Variants in GPAT4 observed in about 807,000 individuals in gnomAD.
The protein encoded by GPAT4 is glycerol-3-phosphate acyltransferase 4.
A neutral mutation model predicts 58.0 loss-of-function variants in GPAT4; 17 were observed. The ratio of observed to expected loss-of-function variants is 0.29; its 90% CI spans 0.20 to 0.44. GPAT4 has a LOEUF of 0.44. GPAT4 is among the 20% of genes least tolerant of loss of function. The pLI is 1.00. For missense variants in GPAT4, 377 were observed against 574.5 expected (o/e 0.66, Z 3.51); for synonymous variants, 204 against 210.1 (o/e 0.97, Z 0.25).
Position 41,612,176 on chromosome 8 carries a change from C to A in GPAT4, c.702-4C>A. On this transcript the variant is annotated splice_polypyrimidine_tract_variant and splice_region_variant and intron_variant, in intron 6 of 12. Coordinates refer to ENST00000396987, the MANE Select transcript of GPAT4 (RefSeq NM_178819.4). ...TGGTTGCTTTGCATACATTTTAAAC[C>A]CAGGGAAAACAGACCAAGAAATGGT... 6.2e-7 allele frequency: 1 copy of A among 1,614,148 alleles called. No homozygotes were observed. The highest frequency in any genetic ancestry group is 1.1e-5 in the South Asian group (1 of 91,080).
At chr8:41,591,897 T>C (rs1477213159) in intron 1 of GPAT4, among the ~76,000 whole-genome samples, 2 of 152,242 alleles carry the variant, frequency 1.3e-5, no homozygotes, top group African/African-American at 2.4e-5. Context: ...ATAGATAGCA[T>C]TTCTCATCTG....
intron 1 of GPAT4, among the ~76,000 whole-genome samples, chr8:41,597,545 A>G (rs1329300853): frequency 6.6e-6 from 1 of 152,196 alleles, no homozygotes; most frequent in African/African-American, 2.4e-5. Flanking sequence ...TTCCTCTGCA[A>G]TTCCATTTCT....
chr8:41,583,613 C>G lies in GPAT4; in HGVS notation c.-849+5335C>G, dbSNP rs535118723. Among the ~76,000 whole-genome samples, 8 of 152,128 alleles carry G rather than the reference C, an allele frequency of 5.3e-5. No homozygotes were observed. In the East Asian group the frequency reaches 5.8e-4, roughly 11 times the overall value. ...TTTTTTCATGCTAAGTCATTGAACT[C>G]CAGTGTGCATTTTACATTCACAACA... On this transcript the variant is annotated intron_variant, in intron 1 of 12. Coordinates refer to ENST00000396987, the MANE Select transcript of GPAT4 (RefSeq NM_178819.4).
At chr8:41,612,627 T>G (rs1369051758) in intron 7 of GPAT4, among the ~76,000 whole-genome samples, 1 of 152,250 alleles carries the variant, frequency 6.6e-6, no homozygotes. Flanking sequence ...GTTTCAGTTA[T>G]GTTTTTAATT....
At chr8:41,606,158 C>T (rs1803264575) in intron 2 of GPAT4, among the ~76,000 whole-genome samples, 1 of 152,182 alleles carries the variant, frequency 6.6e-6, no homozygotes, top group Non-Finnish European at 1.5e-5. Context: ...GTCATTCCAG[C>T]ACATTGAACC....
chr8:41,586,373 GCATT>G (rs140011922), intron 1 of GPAT4, among the ~76,000 whole-genome samples: 1 of 152,278 alleles, frequency 6.6e-6, no homozygotes, highest in East Asian at 1.9e-4. Flanking sequence ...GCCATTGTAA[GCATT>G]CATGTGCAAT....
At chr8:41,606,405 C>T (rs1803272890) in intron 2 of GPAT4, among the ~76,000 whole-genome samples, 1 of 152,128 alleles carries the variant, frequency 6.6e-6, no homozygotes, top group African/African-American at 2.4e-5. Context: ...GCATTCCTCA[C>T]ACATCTGGTA....
At position 41,595,208 on chromosome 8, in the gene GPAT4, C is replaced by A. The variant is rs1173367497; in HGVS notation, c.-848-3084C>A. On this transcript the variant is annotated intron_variant, in intron 1 of 12. Transcript: ENST00000396987. ...TGGGAGGAACCATCTATTGTCCTGT[C>A]CTGAAGGGAGTTCCTCCTAGGTCTG... is the stretch of plus-strand genomic sequence containing the variant. Among the ~76,000 whole-genome samples, 6 of 142,766 alleles carry A rather than the reference C, an allele frequency of 4.2e-5. No homozygotes were observed. In the East Asian group the frequency reaches 1.0e-3, roughly 24 times the overall value. 93.7% of individuals were successfully genotyped at this position (142,766 alleles called of 152,430 possible). A position where few individuals can be genotyped will look rare whatever the true frequency, so the allele number is the denominator to read the frequency against.
At chr8:41,580,985 A>C (rs911054660) in intron 1 of GPAT4, among the ~76,000 whole-genome samples, 4 of 152,178 alleles carry the variant, frequency 2.6e-5, no homozygotes, top group Admixed American at 1.3e-4. Flanking sequence ...AAAACTCTCT[A>C]AGCTATCTGG....
At position 41,621,076 on chromosome 8, in the gene GPAT4, C is replaced by T; in HGVS notation, c.*75C>T. On this transcript the variant is annotated 3_prime_UTR_variant, in exon 13 of 13. Transcript: ENST00000396987. Reference sequence around the variant, plus strand: ...GAGCTGGAGTTGCCGCCGCCGCCCCCACTGCTGTGTCCTTTCCAGACTCCA... The same window carrying T: ...GAGCTGGAGTTGCCGCCGCCGCCCCTACTGCTGTGTCCTTTCCAGACTCCA... 12 of 1,535,696 alleles carry T rather than the reference C, an allele frequency of 7.8e-6. No individual in the cohort carries two copies. The highest frequency in any genetic ancestry group is 1.1e-5 in the Non-Finnish European group (12 of 1,138,048).
chr8:41,594,882 G>A (rs1802885445), intron 1 of GPAT4, among the ~76,000 whole-genome samples: 1 of 151,884 alleles, frequency 6.6e-6, no homozygotes, highest in Non-Finnish European at 1.5e-5. Context: ...TTTTATTTCA[G>A]GGCAAGAATT....
At chr8:41,605,518 A>G (rs1331248732) in intron 2 of GPAT4, among the ~76,000 whole-genome samples, 1 of 152,134 alleles carries the variant, frequency 6.6e-6, no homozygotes, top group African/African-American at 2.4e-5. Flanking sequence ...ACTGAACTTC[A>G]GGCATTGAGA....
intron 8 of GPAT4, 42 bp from the exon 9 acceptor site, chr8:41,614,344 A>G (rs376626420): frequency 3.8e-5 from 59 of 1,548,670 alleles, no homozygotes; most frequent in Middle Eastern, 3.4e-4. Context: ...GACGATGTGT[A>G]TAAGGTTGTC....
At chr8:41,604,376 C>A (rs1335317106) in intron 2 of GPAT4, among the ~76,000 whole-genome samples, 1 of 152,190 alleles carries the variant, frequency 6.6e-6, no homozygotes, top group Non-Finnish European at 1.5e-5. Flanking sequence ...ATGGGTGGAT[C>A]AATATCTTTT....
intron 1 of GPAT4, among the ~76,000 whole-genome samples, chr8:41,585,951 T>C (rs1214925063): frequency 6.6e-6 from 1 of 152,248 alleles, no homozygotes; most frequent in African/African-American, 2.4e-5. Flanking sequence ...TAATCTTAGA[T>C]TCTTTTAAAA....
chr8:41,610,093 T>TG (rs752253609), intron 4 of GPAT4, 138 bp downstream of exon 4: 6 of 1,470,632 alleles, frequency 4.1e-6, no homozygotes, highest in Non-Finnish European at 5.4e-6. Flanking sequence ...CGTGACTCTT[T>TG]GGAGGGATAC....
chr8:41,608,631 C>T (rs1803350474), intron 2 of GPAT4, among the ~76,000 whole-genome samples: 2 of 152,210 alleles, frequency 1.3e-5, no homozygotes, highest in African/African-American at 4.8e-5. Context: ...ATAATCAGGA[C>T]AGAGTGCTTT....
rs1803733807 is a variant in GPAT4 at position 41,621,041 on chromosome 8, A to G, written c.*40A>G. 2 of 1,549,478 alleles carry G rather than the reference A, an allele frequency of 1.3e-6. No individual in the cohort carries two copies. The highest frequency in any genetic ancestry group is 3.9e-5 in the Admixed American group (2 of 50,974). ...GGCTGGGGCCACCGTGCGGGGTGCC[A>G]ACGGGCTCAGAGCTGGAGTTGCCGC... On this transcript the variant is annotated 3_prime_UTR_variant, in exon 13 of 13. Coordinates refer to ENST00000396987, the MANE Select transcript of GPAT4 (RefSeq NM_178819.4).
At chr8:41,604,315 C>G (rs553793009) in intron 2 of GPAT4, among the ~76,000 whole-genome samples, 3 of 152,220 alleles carry the variant, frequency 2.0e-5, no homozygotes, top group South Asian at 2.1e-4. Context: ...ATAAAGGAAC[C>G]AGGAGAAAGT....
Sources: gnomAD v4.1 joint callset for allele counts (sites outside exome capture counted in the v4.1 genomes callset) on GRCh38, gnomAD v4.1.1 for gene constraint, MANE v1.5 for transcripts, NCBI Gene and HGNC (gene_info 2026-07-23, HGNC 2026-07-21) for gene names.